Variants in NAV3 observed in about 807,000 individuals in gnomAD.
NAV3 encodes neuron navigator 3, also known as pore membrane and/or filament interacting like protein 1.
Under a neutral mutation model 244.7 loss-of-function variants are expected in NAV3, and 87 were observed. The ratio of observed to expected loss-of-function variants is 0.36; its 90% CI spans 0.30 to 0.42. NAV3 has a LOEUF of 0.42. NAV3 is among the 20% of genes least tolerant of loss of function. The pLI is 1.00. For missense variants in NAV3, 2,663 were observed against 2,893.3 expected (o/e 0.92, Z 1.83); for synonymous variants, 1,126 against 1,042.2 (o/e 1.08, Z -1.55).
intron 1 of NAV3, among the ~76,000 whole-genome samples, chr12:77,934,176 G>T (rs1889096668): frequency 6.6e-6 from 1 of 152,136 alleles, no homozygotes; most frequent in Non-Finnish European, 1.5e-5. Context: ...CACCAGGGGT[G>T]ACACAGCTTG....
intron 2 of NAV3, among the ~76,000 whole-genome samples, chr12:77,771,379 G>A (rs1418631491): frequency 3.3e-5 from 5 of 152,056 alleles, no homozygotes; most frequent in Admixed American, 6.6e-5. Context: ...ATCTAGAACT[G>A]GAAATACCAT....
chr12:77,874,825 G>A (rs1057205069), intron 1 of NAV3, among the ~76,000 whole-genome samples: 11 of 152,012 alleles, frequency 7.2e-5, no homozygotes, highest in South Asian at 2.1e-4. Context: ...AATGAATTAA[G>A]CATCAGAGAC....
rs1565761890 is a variant in NAV3, at chr12:77,666,675, G to C, written c.72+94409G>C. Among the ~76,000 whole-genome samples, 3 of 152,116 alleles carry C rather than the reference G, an allele frequency of 2.0e-5. No homozygotes were observed. The South Asian group carries it at 6.2e-4, about 32-fold the overall frequency. On this transcript the variant is annotated intron_variant, in intron 2 of 8. Coordinates refer to the NAV3 transcript ENST00000550042. Reference sequence around the variant, plus strand: ...TTAAAGGGATGTATTGTGCTTCTTTGAGATTTACACTATCCAGATTAGCAT... The same window carrying C: ...TTAAAGGGATGTATTGTGCTTCTTTCAGATTTACACTATCCAGATTAGCAT...
At chr12:78,166,945 AC>A (rs1288328724) in intron 23 of NAV3, among the ~76,000 whole-genome samples, 1 of 151,706 alleles carries the variant, frequency 6.6e-6, no homozygotes, top group Non-Finnish European at 1.5e-5. Context: ...AAGGATAAAA[AC>A]CTGATTTTAA....
chr12:77,654,960 C>A (rs1873018504), intron 2 of NAV3, among the ~76,000 whole-genome samples: 1 of 152,026 alleles, frequency 6.6e-6, no homozygotes, highest in African/African-American at 2.4e-5. Context: ...CCCATCTGTA[C>A]ATCACCATCA....
chr12:78,063,563 A>C (rs1269341355), intron 12 of NAV3, among the ~76,000 whole-genome samples: 2 of 152,180 alleles, frequency 1.3e-5, no homozygotes, highest in Non-Finnish European at 2.9e-5. Flanking sequence ...ACAAAACAGT[A>C]TGGGTGAAAG....
intron 2 of NAV3, among the ~76,000 whole-genome samples, chr12:77,595,787 G>C (rs1870141488): frequency 6.6e-6 from 1 of 152,014 alleles, no homozygotes; most frequent in Non-Finnish European, 1.5e-5. Flanking sequence ...ACAGTTTATA[G>C]TGTCATGCAA....
chr12:77,790,640 C>T (rs1384086113), intron 2 of NAV3, among the ~76,000 whole-genome samples: 1 of 152,162 alleles, frequency 6.6e-6, no homozygotes, highest in African/African-American at 2.4e-5. Flanking sequence ...CTTCTCTTAA[C>T]TCTTGCTTAT....
intron 13 of NAV3, among the ~76,000 whole-genome samples, chr12:78,117,605 C>T (rs1289758261): frequency 2.0e-5 from 3 of 150,602 alleles, no homozygotes; most frequent in Non-Finnish European, 4.4e-5. Context: ...CTTACAATAT[C>T]GATATGTTTG....
intron 11 of NAV3, among the ~76,000 whole-genome samples, chr12:78,057,858 T>A (rs1447951948): frequency 6.6e-6 from 1 of 152,174 alleles, no homozygotes; most frequent in Non-Finnish European, 1.5e-5. Flanking sequence ...CTTAGGAAAC[T>A]GTCTGCATGT....
chr12:77,844,926 A>G (rs1043805919), intron 1 of NAV3, among the ~76,000 whole-genome samples: 29 of 152,340 alleles, frequency 1.9e-4, no homozygotes, highest in African/African-American at 6.3e-4. Context: ...GGACAAGAAT[A>G]GCAACCTCAC....
intron 2 of NAV3, among the ~76,000 whole-genome samples, chr12:77,691,333 G>GTA (rs1214933751): frequency 2.0e-5 from 2 of 100,940 alleles, no homozygotes; most frequent in African/African-American, 7.7e-5. Context: ...ATTTGTGTAT[G>GTA]TGTGTATATA....
intron 1 of NAV3, among the ~76,000 whole-genome samples, chr12:77,874,665 A>G (rs1426855280): frequency 6.6e-6 from 1 of 152,112 alleles, no homozygotes; most frequent in Non-Finnish European, 1.5e-5. Flanking sequence ...ATGTGTGTAA[A>G]GTGTAAGAAC....
intron 20 of NAV3, among the ~76,000 whole-genome samples, chr12:78,144,829 A>T (rs1028922809): frequency 1.3e-5 from 2 of 149,702 alleles, no homozygotes; most frequent in African/African-American, 2.4e-5. Context: ...CTGGCAAAAA[A>T]TGTAAAAAGT....
chr12:77,767,725 G>A (rs1396560828), intron 2 of NAV3, among the ~76,000 whole-genome samples: 1 of 152,206 alleles, frequency 6.6e-6, no homozygotes, highest in Non-Finnish European at 1.5e-5. Flanking sequence ...GGAGCTTGGA[G>A]ACACCAGAAA....
At chr12:77,922,842 G>A (rs1887837987) in intron 1 of NAV3, among the ~76,000 whole-genome samples, 1 of 151,996 alleles carries the variant, frequency 6.6e-6, no homozygotes, top group Non-Finnish European at 1.5e-5. Context: ...TTAATTTTAT[G>A]AGTAATATAT....
At chr12:77,907,769 T>TAAAC (rs1401563624) in intron 1 of NAV3, among the ~76,000 whole-genome samples, 1 of 152,138 alleles carries the variant, frequency 6.6e-6, no homozygotes, top group Non-Finnish European at 1.5e-5. Context: ...TTTCTAAGAC[T>TAAAC]AAACACCTAA....
chr12:78,200,103 T>C (rs1959485407), intron 37 of NAV3, among the ~76,000 whole-genome samples: 1 of 152,100 alleles, frequency 6.6e-6, no homozygotes, highest in South Asian at 2.1e-4. Context: ...GGAAGAAGAA[T>C]TCTACACTGG....
intron 3 of NAV3, among the ~76,000 whole-genome samples, chr12:77,960,450 TACACAC>T (rs35625985): frequency 2.8e-5 from 4 of 144,354 alleles, no homozygotes; most frequent in Admixed American, 1.4e-4. Context: ...TATATATATA[TACACAC>T]ACACACACAC....
Sources: allele counts gnomAD v4.1 joint callset (sites outside exome capture counted in the v4.1 genomes callset), GRCh38; gene constraint gnomAD v4.1.1; transcripts MANE v1.5; gene names NCBI Gene and HGNC (gene_info 2026-07-23, HGNC 2026-07-21).